The following FRRS1L variants were observed in gnomAD, a reference collection of about 807,000 sequenced individuals.
FRRS1L encodes DOMON domain-containing protein FRRS1L.
FRRS1L carries 22 observed loss-of-function variants against 28.6 expected under a neutral mutation model. The observed-to-expected ratio is 0.77, with a 90% CI of 0.55 to 1.10. The LOEUF is 1.10. FRRS1L is among the 50% of genes least tolerant of loss of function. The probability of loss-of-function intolerance (pLI) is 0.00; values close to 1 mark genes in which losing one functional copy is unlikely to be tolerated. For synonymous variants in FRRS1L, 158 were observed against 151.4 expected (o/e 1.04, Z -0.32); for missense variants, 380 against 386.9 (o/e 0.98, Z 0.15).
At chr9:109,144,799 T>A (rs1831234664) in intron 3 of FRRS1L, among the ~76,000 whole-genome samples, 1 of 152,000 alleles carries the variant, frequency 6.6e-6, no homozygotes, top group Non-Finnish European at 1.5e-5. Flanking sequence ...TTCTCCCGCC[T>A]CAGCCTCTCG....
chr9:109,166,838 CG>C (rs1484553628), intron 1 of FRRS1L, 62 bp downstream of exon 1: 1 of 543,474 alleles, frequency 1.8e-6, no homozygotes, highest in African/African-American at 2.1e-5. Context: ...CTCGTTCCCC[CG>C]ATCCTCGGTC....
chr9:109,149,645 C>T lies in FRRS1L; in HGVS notation c.314G>A (p.Gly105Glu). ...CTGCAGTTCCACCAACCTAAAGCATCCCTTAGTTTTTCCACAGTCGTCCAC... is the reference window on the plus strand; with the variant it reads ...CTGCAGTTCCACCAACCTAAAGCATTCCTTAGTTTTTCCACAGTCGTCCAC... Reference protein sequence around the residue: ...IKVDDCGKTKGCFRYGKPGCN... With the variant: ...IKVDDCGKTKECFRYGKPGCN... Residue 105 changes from glycine (G) to glutamate (E), a missense_variant, in exon 2 of 5, where the codon GGA becomes GAA. Gly to Glu is a moderately conservative substitution (Grantham distance 98, BLOSUM62 -2). Transcript: ENST00000561981. 1.2e-6 allele frequency: 2 copies of T among 1,610,018 alleles called. No individual in the cohort carries two copies. Among genetic ancestry groups the T allele is most frequent in the Non-Finnish European group, 1.7e-6 (2 of 1,176,274 alleles).
intron 1 of FRRS1L, among the ~76,000 whole-genome samples, chr9:109,163,697 T>C (rs1043987899): frequency 1.3e-5 from 2 of 152,170 alleles, no homozygotes; most frequent in African/African-American, 4.8e-5. Context: ...TTTTTTCTGA[T>C]TTTTGAACTC....
At chr9:109,151,936 C>T (rs924528143) in intron 1 of FRRS1L, 5 of 152,184 alleles carry the variant, frequency 3.3e-5, no homozygotes, top group South Asian at 2.1e-4. Context: ...AATATTTATC[C>T]AGGAATTCAA....
intron 1 of FRRS1L, among the ~76,000 whole-genome samples, chr9:109,156,731 C>T (rs1831414118): frequency 6.6e-6 from 1 of 151,206 alleles, no homozygotes; most frequent in African/African-American, 2.4e-5. Context: ...CTGTCTCACC[C>T]AGGCTGGAGT....
At chr9:109,156,776 G>A (rs968235674) in intron 1 of FRRS1L, among the ~76,000 whole-genome samples, 1 of 146,474 alleles carries the variant, frequency 6.8e-6, no homozygotes, top group Non-Finnish European at 1.5e-5. Context: ...CCACCTCCCC[G>A]GCTCAGGTGA....
At chr9:109,142,749 G>GT (rs1258328290) in intron 3 of FRRS1L, among the ~76,000 whole-genome samples, 4 of 151,988 alleles carry the variant, frequency 2.6e-5, no homozygotes, top group Non-Finnish European at 5.9e-5. Flanking sequence ...TGAGGCTGCA[G>GT]TGAGTCTTGT....
chr9:109,163,089 C>G (rs916536311), intron 1 of FRRS1L, among the ~76,000 whole-genome samples: 5 of 152,244 alleles, frequency 3.3e-5, no homozygotes, highest in African/African-American at 1.2e-4. Flanking sequence ...CAGGGAGAAG[C>G]AAGCTTCATT....
chr9:109,152,796 T>C (rs1429265981), intron 1 of FRRS1L, among the ~76,000 whole-genome samples: 1 of 72,228 alleles, frequency 1.4e-5, no homozygotes, highest in African/African-American at 6.4e-5. Flanking sequence ...AGAGAGAGAC[T>C]CCATCTCAAA....
Position 109,136,396 on chromosome 9 carries a change from C to G in FRRS1L, c.*1059G>C, listed in dbSNP as rs570553547. On this transcript the variant is annotated 3_prime_UTR_variant, in exon 5 of 5. Coordinates refer to ENST00000561981, the MANE Select transcript of FRRS1L (RefSeq NM_014334.4). ...TTCCCTTTTTTTTTTTTTTTAATAT[C>G]ATTAACACAACTTTACATCTTCAGG... is the stretch of plus-strand genomic sequence containing the variant. 9 of 145,656 alleles carry G rather than the reference C, an allele frequency of 6.2e-5. No individual in the cohort carries two copies. Among genetic ancestry groups the G allele is most frequent in the African/African-American group, 2.3e-4 (9 of 39,426 alleles). The allele number at this position is 145,656 out of a possible 1,614,324, so 9.0% of individuals were successfully genotyped here.
intron 1 of FRRS1L, among the ~76,000 whole-genome samples, chr9:109,158,591 T>C (rs1173364654): frequency 1.3e-5 from 2 of 152,230 alleles, no homozygotes; most frequent in East Asian, 1.9e-4. Flanking sequence ...TCATACAACA[T>C]GTGGTCTTTT....
At position 109,133,809 on chromosome 9, in the gene FRRS1L, C is replaced by T. The variant is rs1831082868; in HGVS notation, c.*3646G>A. ...TACGAAAAACACTGGTTGGGCATCT[C>T]CTCTGTGACAAGTAGTATATTAGAA... On this transcript the variant is annotated 3_prime_UTR_variant, in exon 5 of 5. Transcript: ENST00000561981. The T allele has an allele frequency of 6.6e-6, 1 of 152,198 alleles. No homozygotes were observed. The highest frequency in any genetic ancestry group is 1.5e-5 in the Non-Finnish European group (1 of 68,028). 9.4% of individuals were successfully genotyped at this position (152,198 alleles called of 1,614,324 possible). A position where few individuals can be genotyped will look rare whatever the true frequency, so the allele number is the denominator to read the frequency against.
At position 109,147,057 on chromosome 9, in the gene FRRS1L, C is replaced by G; in HGVS notation, c.456G>C (p.Lys152Asn). ...GWVAVGFSSDKKMGGDDVMAC... is the reference protein window; with the variant it reads ...GWVAVGFSSDNKMGGDDVMAC... Reference sequence around the variant, plus strand: ...ATCATGTTTTGCATCTTACCATTTTCTTGTCTGAAGAGAATCCAACTGCTA... The same window carrying G: ...ATCATGTTTTGCATCTTACCATTTTGTTGTCTGAAGAGAATCCAACTGCTA... The change falls in exon 3 of 5, where the codon AAG becomes AAC. Residue 152 changes from lysine (K) to asparagine (N), a missense_variant. Transcript: ENST00000561981. 6.2e-7 allele frequency: 1 copy of G among 1,613,900 alleles called. No individual in the cohort carries two copies. Among genetic ancestry groups the G allele is most frequent in the Non-Finnish European group, 8.5e-7 (1 of 1,179,834 alleles).
rs1423736724 is a variant in FRRS1L at position 109,141,466 on chromosome 9, C to A, written c.586G>T (p.Val196Phe). 1 of 1,613,962 alleles carries A rather than the reference C, an allele frequency of 6.2e-7. No homozygotes were observed. The highest frequency in any genetic ancestry group is 1.3e-5 in the African/African-American group (1 of 74,926). ...QRNPARDEEGVFENNRVTCRF... is the reference protein window; with the variant it reads ...QRNPARDEEGFFENNRVTCRF... ...CAGGTGACGCGATTGTTCTCAAAAA[C>A]TCCTTCTTCATCTCTGGCAGGGTTT... Residue 196 changes from valine to phenylalanine, a missense_variant, in exon 4 of 5, where the codon GTT becomes TTT. Coordinates refer to ENST00000561981, the MANE Select transcript of FRRS1L (RefSeq NM_014334.4).
At chr9:109,142,092 A>C (rs1350924820) in intron 3 of FRRS1L, among the ~76,000 whole-genome samples, 1 of 152,192 alleles carries the variant, frequency 6.6e-6, no homozygotes, top group Non-Finnish European at 1.5e-5. Context: ...AAGTAGCAAC[A>C]TATGAAAACA....
intron 1 of FRRS1L, chr9:109,150,385 T>A (rs576456461): frequency 6.6e-6 from 1 of 152,224 alleles, no homozygotes; most frequent in South Asian, 2.1e-4. Context: ...CCGGCTAATT[T>A]TTGTATTTTT....
chr9:109,142,868 T>C (rs941063490), intron 3 of FRRS1L, among the ~76,000 whole-genome samples: 5 of 152,106 alleles, frequency 3.3e-5, no homozygotes, highest in African/African-American at 1.2e-4. Context: ...AATTTTGTTA[T>C]GTGCGTTTTA....
chr9:109,164,302 G>C (rs1457304627), intron 1 of FRRS1L, among the ~76,000 whole-genome samples: 1 of 152,142 alleles, frequency 6.6e-6, no homozygotes, highest in Non-Finnish European at 1.5e-5. Context: ...AAAAGCTCAG[G>C]GTGAGGGAAG....
chr9:109,132,377 C>G lies in FRRS1L; in HGVS notation c.*5078G>C, dbSNP rs1831068345. 1 of 152,216 alleles carries G rather than the reference C, an allele frequency of 6.6e-6. No individual in the cohort carries two copies. The highest frequency in any genetic ancestry group is 2.1e-4 in the South Asian group (1 of 4,832). 9.4% of individuals were successfully genotyped at this position (152,216 alleles called of 1,614,324 possible). On this transcript the variant is annotated 3_prime_UTR_variant, in exon 5 of 5. Coordinates refer to ENST00000561981, the MANE Select transcript of FRRS1L (RefSeq NM_014334.4). ...GCGCAATGGTTGTCCATGATCACCA[C>G]AGTTACTTAAGACAAAACTGCTGCT...
Sources: gnomAD v4.1 joint callset for allele counts (sites outside exome capture counted in the v4.1 genomes callset) on GRCh38, gnomAD v4.1.1 for gene constraint, MANE v1.5 for transcripts, NCBI Gene and HGNC (gene_info 2026-07-23, HGNC 2026-07-21) for gene names.